RASGRP3: variants seen among roughly 807,000 people sequenced by gnomAD.
The protein encoded by RASGRP3 is ras guanyl-releasing protein 3.
A neutral mutation model predicts 82.7 loss-of-function variants in RASGRP3; 54 were observed. The observed-to-expected ratio is 0.65, with a 90% CI of 0.52 to 0.82. The LOEUF (loss-of-function observed/expected upper bound fraction) is 0.82. Ranked by LOEUF, RASGRP3 falls within the 40% of genes least tolerant of loss-of-function variation. RASGRP3 has a pLI of 0.00. For synonymous variants in RASGRP3, 309 were observed against 300.5 expected, an observed-to-expected ratio of 1.03 and a Z score of -0.29; for missense variants, 861 against 828.9, an observed-to-expected ratio of 1.04 and a Z score of -0.48.
At chr2:33,450,220 A>C (rs1021641325) in intron 2 of RASGRP3, among the ~76,000 whole-genome samples, 6 of 152,208 alleles carry the variant, frequency 3.9e-5, no homozygotes, top group South Asian at 2.1e-4. Context: ...TTATCACCTC[A>C]TATACCAATC....
chr2:33,523,810 C>A, intron 7 of RASGRP3, 69 bp from the exon 8 acceptor site: 1 of 1,366,646 alleles, frequency 7.3e-7, no homozygotes, highest in South Asian at 1.5e-5. Context: ...CTTTTCTATG[C>A]AATATTCTAA....
At position 33,515,131 on chromosome 2, in the gene RASGRP3, A is replaced by G. The variant is rs1219517835; in HGVS notation, c.-6A>G. ...TCTCTAGTTTTTTGACAACGGCTAA[A>G]TAACCATGGGATCAAGTGGCCTTGG... On this transcript the variant is annotated 5_prime_UTR_variant, in exon 3 of 18. Transcript: ENST00000403687. 2 of 1,613,888 alleles carry G rather than the reference A, an allele frequency of 1.2e-6. No homozygotes were observed. The highest frequency in any genetic ancestry group is 1.7e-5 in the Admixed American group (1 of 60,028).
chr2:33,533,385 C>T (rs2151052356), intron 10 of RASGRP3: 1 of 152,292 alleles, frequency 6.6e-6, no homozygotes, highest in South Asian at 2.1e-4. Flanking sequence ...TCATTTCTGT[C>T]TCCGGGGCCC....
At chr2:33,440,784 T>G (rs190720812) in intron 1 of RASGRP3, among the ~76,000 whole-genome samples, 3 of 152,252 alleles carry the variant, frequency 2.0e-5, no homozygotes, top group African/African-American at 4.8e-5. Flanking sequence ...AGTTACTTTT[T>G]TTGTATGACA....
intron 1 of RASGRP3, among the ~76,000 whole-genome samples, chr2:33,440,315 G>C (rs1665157021): frequency 6.6e-6 from 1 of 152,194 alleles, no homozygotes; most frequent in Non-Finnish European, 1.5e-5. Context: ...TCTATCGGCA[G>C]GTTCCATTGC....
chr2:33,447,041 G>T (rs1286037076), intron 1 of RASGRP3, among the ~76,000 whole-genome samples: 1 of 151,368 alleles, frequency 6.6e-6, no homozygotes, highest in Non-Finnish European at 1.5e-5. Flanking sequence ...CTACTCGGGA[G>T]GCTGAGGCAG....
intron 2 of RASGRP3, among the ~76,000 whole-genome samples, chr2:33,467,018 A>T (rs1666736182): frequency 6.6e-6 from 1 of 152,072 alleles, no homozygotes; most frequent in Non-Finnish European, 1.5e-5. Flanking sequence ...TGAGGATTAA[A>T]TGAGTGTTTT....
Position 33,520,003 on chromosome 2 carries a change from C to G in RASGRP3, c.225C>G (p.Cys75Trp). Residue 75 changes from cysteine to tryptophan, a missense_variant, in exon 5 of 18, where the codon TGC becomes TGG. Physicochemically the swap from Cys to Trp is radical, Grantham distance 215. Transcript: ENST00000403687. ...ESCNEFRLKI[C>W]YFMRYWILKF... is the part of the protein sequence containing the mutation. ...GCAATGAATTTCGATTAAAGATCTG[C>G]TACTTCATGAGGTAAATATATTTAC... 6.2e-7 allele frequency: 1 copy of G among 1,605,552 alleles called. No homozygotes were observed. The highest frequency in any genetic ancestry group is 8.5e-7 in the Non-Finnish European group (1 of 1,174,916).
chr2:33,506,928 G>C (rs79039214), intron 1 of RASGRP3, among the ~76,000 whole-genome samples: 282 of 152,306 alleles, frequency 1.9e-3, no homozygotes, highest in African/African-American at 6.5e-3. Flanking sequence ...ATAGAAACAA[G>C]TTTGACAGTG....
chr2:33,486,383 G>A (rs913742330), intron 1 of RASGRP3, among the ~76,000 whole-genome samples: 1 of 152,044 alleles, frequency 6.6e-6, no homozygotes, highest in Non-Finnish European at 1.5e-5. Flanking sequence ...GGCCAGGCTG[G>A]TCTTGAACTC....
intron 1 of RASGRP3, among the ~76,000 whole-genome samples, chr2:33,506,439 G>A (rs950814537): frequency 6.6e-6 from 1 of 152,156 alleles, no homozygotes; most frequent in African/African-American, 2.4e-5. Context: ...GAGATAATAA[G>A]ACCTTAGCTT....
chr2:33,454,153 AG>A (rs774222928), intron 2 of RASGRP3, among the ~76,000 whole-genome samples: 1 of 149,484 alleles, frequency 6.7e-6, no homozygotes, highest in Non-Finnish European at 1.5e-5. Flanking sequence ...AGGTGTCAGC[AG>A]GTTTGGTTTC....
chr2:33,497,651 C>G (rs1295383935), intron 1 of RASGRP3, among the ~76,000 whole-genome samples: 1 of 152,190 alleles, frequency 6.6e-6, no homozygotes, highest in Non-Finnish European at 1.5e-5. Flanking sequence ...CTAAATGTAT[C>G]TACTGAAATC....
At chr2:33,503,869 A>T (rs2150985402) in intron 1 of RASGRP3, among the ~76,000 whole-genome samples, 1 of 152,334 alleles carries the variant, frequency 6.6e-6, no homozygotes, top group East Asian at 1.9e-4. Flanking sequence ...ATTAAAGCTT[A>T]TCACTGTCAA....
Position 33,549,499 on chromosome 2 carries a change from A to G in RASGRP3, c.1395-105A>G, listed in dbSNP as rs1675165321. Reference sequence around the variant, plus strand: ...GTAATAGAGAAGTGAATGTGCCTCAACTGCTTTTGGCCACAAAGGTTTGGG... The same window carrying G: ...GTAATAGAGAAGTGAATGTGCCTCAGCTGCTTTTGGCCACAAAGGTTTGGG... On this transcript the variant is annotated intron_variant, in intron 13 of 17. Transcript: ENST00000403687. 6 of 1,126,006 alleles carry G rather than the reference A, an allele frequency of 5.3e-6. No individual in the cohort carries two copies. In the African/African-American group the frequency reaches 7.9e-5, roughly 15 times the overall value. 69.8% of individuals were successfully genotyped at this position (1,126,006 alleles called of 1,614,324 possible). A position where few individuals can be genotyped will look rare whatever the true frequency, so the allele number is the denominator to read the frequency against.
chr2:33,470,754 T>A (rs1667010799), intron 2 of RASGRP3, among the ~76,000 whole-genome samples: 1 of 152,190 alleles, frequency 6.6e-6, no homozygotes, highest in Non-Finnish European at 1.5e-5. Context: ...GTATAATTGT[T>A]CCGTGGCCAG....
intron 7 of RASGRP3, among the ~76,000 whole-genome samples, 196 bp downstream of exon 7, chr2:33,522,298 T>A (rs1672112260): frequency 6.6e-6 from 1 of 152,220 alleles, no homozygotes; most frequent in Non-Finnish European, 1.5e-5. Flanking sequence ...GCTCAGGAGC[T>A]ATATTTCTGT....
intron 1 of RASGRP3, among the ~76,000 whole-genome samples, chr2:33,501,927 A>G (rs1669911028): frequency 6.6e-6 from 1 of 152,198 alleles, no homozygotes; most frequent in East Asian, 1.9e-4. Context: ...GCATAAGAAG[A>G]CAATGAAGAG....
chr2:33,508,615 G>A (rs1431297018), intron 1 of RASGRP3, among the ~76,000 whole-genome samples: 1 of 152,130 alleles, frequency 6.6e-6, no homozygotes, highest in Non-Finnish European at 1.5e-5. Flanking sequence ...AAGGAGACAC[G>A]GTCATCTGCC....
Sources: allele counts gnomAD v4.1 joint callset (sites outside exome capture counted in the v4.1 genomes callset), GRCh38; gene constraint gnomAD v4.1.1; transcripts MANE v1.5; gene names NCBI Gene and HGNC (gene_info 2026-07-23, HGNC 2026-07-21).